The following DRC10 variants were observed in gnomAD, a reference collection of about 807,000 sequenced individuals.
DRC10 encodes dynein regulatory complex subunit 10, also known as IQ domain-containing protein D.
the DRC10 span, among the ~76,000 whole-genome samples, chr12:113,213,124 T>G: frequency 1.4e-5 from 2 of 140,146 alleles, no homozygotes; most frequent in South Asian, 2.3e-4. Flanking sequence ...AACCCAACAC[T>G]TAACAACTAC....
chr12:113,213,150 T>TGG, the DRC10 span, among the ~76,000 whole-genome samples: 3 of 110,858 alleles, frequency 2.7e-5, no homozygotes, highest in South Asian at 5.9e-4. Flanking sequence ...AAATCCAAAC[T>TGG]GGCAAGTGGA....
At chr12:113,219,991 A>T in the DRC10 span, among the ~76,000 whole-genome samples, 1 of 152,098 alleles carries the variant, frequency 6.6e-6, no homozygotes, top group Non-Finnish European at 1.5e-5. Context: ...TATTTTTAGT[A>T]GAGACAGGGT....
the DRC10 span, among the ~76,000 whole-genome samples, chr12:113,216,635 TA>T: frequency 6.6e-6 from 1 of 152,110 alleles, no homozygotes. Context: ...CATGTGGGAA[TA>T]GGGGGTATGT....
At chr12:113,214,940 G>A in the DRC10 span, among the ~76,000 whole-genome samples, 1 of 152,226 alleles carries the variant, frequency 6.6e-6, no homozygotes, top group East Asian at 1.9e-4. Context: ...CCAGGCTAGG[G>A]CTGCAGCAAT....
the DRC10 span, chr12:113,200,552 G>A: frequency 6.9e-6 from 8 of 1,163,442 alleles, no homozygotes; most frequent in South Asian, 3.9e-5. Context: ...GGGCCCCCTC[G>A]GCCCATCCTC....
At chr12:113,197,702 T>TCAAGCACCTGCCAGA in the DRC10 span, 1 of 799,758 alleles carries the variant, frequency 1.3e-6, no homozygotes, top group Non-Finnish European at 2.1e-6. Context: ...CTCTGGCAGG[T>TCAAGCACCTGCCAGA]GCTTGACATG....
At chr12:113,214,445 G>A in the DRC10 span, among the ~76,000 whole-genome samples, 2 of 148,350 alleles carry the variant, frequency 1.3e-5, no homozygotes, top group African/African-American at 5.0e-5. Context: ...AATGGAAGTT[G>A]CAGTGAGCTG....
the DRC10 span, chr12:113,200,544 G>T: frequency 2.8e-6 from 4 of 1,417,986 alleles, no homozygotes; most frequent in South Asian, 1.2e-5. Context: ...CCCACCAGGG[G>T]CCCCCTCGGC....
chr12:113,214,377 A>C, the DRC10 span, among the ~76,000 whole-genome samples: 1 of 151,988 alleles, frequency 6.6e-6, no homozygotes, highest in African/African-American at 2.4e-5. Flanking sequence ...GTGGTGAAAC[A>C]TGCCTGTAAT....
chr12:113,221,067 C>G, the DRC10 span: 1 of 425,498 alleles, frequency 2.4e-6, no homozygotes, highest in South Asian at 1.6e-5. Flanking sequence ...GGTTACCCGC[C>G]AATCTCAGAA....
the DRC10 span, chr12:113,197,531 C>T: frequency 5.2e-5 from 79 of 1,520,718 alleles, no homozygotes; most frequent in Non-Finnish European, 6.3e-5. Context: ...ACTTATTCAG[C>T]GACAAATACC....
At chr12:113,203,600 C>T in the DRC10 span, among the ~76,000 whole-genome samples, 12 of 151,514 alleles carry the variant, frequency 7.9e-5, no homozygotes, top group Admixed American at 1.3e-4. Context: ...CTCAGCCTCC[C>T]GAGTAGCTGA....
chr12:113,213,699 C>A, the DRC10 span, among the ~76,000 whole-genome samples: 1 of 152,376 alleles, frequency 6.6e-6, no homozygotes, highest in Non-Finnish European at 1.5e-5. Context: ...TGGCCCACGC[C>A]TGTAATGCCA....
At chr12:113,212,709 C>T in the DRC10 span, among the ~76,000 whole-genome samples, 629 of 152,294 alleles carry the variant, frequency 4.1e-3, 8 homozygotes, top group African/African-American at 0.014. Context: ...AGATAAAGCC[C>T]GTGGAACTAG....
the DRC10 span, chr12:113,207,049 G>C: frequency 5.7e-6 from 2 of 353,050 alleles, no homozygotes; most frequent in Non-Finnish European, 1.1e-5. Flanking sequence ...AACAGAGTGA[G>C]ACCCTGTCTC....
At chr12:113,197,297 A>G in the DRC10 span, among the ~76,000 whole-genome samples, 1 of 150,228 alleles carries the variant, frequency 6.7e-6, no homozygotes, top group African/African-American at 2.4e-5. Context: ...TCAGCCTCCC[A>G]ACGTGCTGGG....
chr12:113,203,173 A>G, the DRC10 span: 1 of 357,864 alleles, frequency 2.8e-6, no homozygotes, highest in East Asian at 7.7e-5. Context: ...CTACAGGTGC[A>G]TACCACCACG....
chr12:113,219,320 G>C, the DRC10 span, among the ~76,000 whole-genome samples: 1 of 152,232 alleles, frequency 6.6e-6, no homozygotes, highest in African/African-American at 2.4e-5. Context: ...ACAGGCACGA[G>C]CCACTGTGCC....
At chr12:113,212,332 G>A in the DRC10 span, among the ~76,000 whole-genome samples, 1 of 152,050 alleles carries the variant, frequency 6.6e-6, no homozygotes, top group African/African-American at 2.4e-5. Flanking sequence ...GCCTCCCAAA[G>A]TGGTGGGATT....
Sources: gnomAD v4.1 joint callset for allele counts (sites outside exome capture counted in the v4.1 genomes callset) on GRCh38, gnomAD v4.1.1 for gene constraint, MANE v1.5 for transcripts, NCBI Gene and HGNC (gene_info 2026-07-23, HGNC 2026-07-21) for gene names.